RAD54L2: variants seen among roughly 807,000 people sequenced by gnomAD.
RAD54L2 encodes the protein helicase ARIP4.
Under a neutral mutation model 138.4 loss-of-function variants are expected in RAD54L2, and 27 were observed. The observed-to-expected ratio is 0.20, with a 90% CI of 0.14 to 0.27. RAD54L2 has a LOEUF of 0.27. RAD54L2 is among the 10% of genes least tolerant of loss of function. The pLI is 1.00. For synonymous variants in RAD54L2, 644 were observed against 723.2 expected (o/e 0.89, Z 1.76); for missense variants, 1,396 against 1,890.2 (o/e 0.74, Z 4.85).
chr3:51,625,768 T>C (rs1184064713), intron 3 of RAD54L2, among the ~76,000 whole-genome samples: 1 of 151,966 alleles, frequency 6.6e-6, no homozygotes, highest in Non-Finnish European at 1.5e-5. Context: ...AGGCTGAGGC[T>C]GGGAGATCGT....
At chr3:51,579,161 C>CTTTT (rs771455214) in intron 2 of RAD54L2, among the ~76,000 whole-genome samples, 3 of 131,652 alleles carry the variant, frequency 2.3e-5, no homozygotes, top group Non-Finnish European at 4.9e-5. Flanking sequence ...TGAGCCTGGG[C>CTTTT]TTTTTTTTTT....
intron 2 of RAD54L2, among the ~76,000 whole-genome samples, chr3:51,588,670 A>G (rs1699766392): frequency 6.6e-6 from 1 of 151,926 alleles, no homozygotes; most frequent in Non-Finnish European, 1.5e-5. Flanking sequence ...CCATCTCTTT[A>G]CCATGGTTTT....
At chr3:51,598,904 A>G (rs1344902363) in intron 3 of RAD54L2, among the ~76,000 whole-genome samples, 2 of 152,078 alleles carry the variant, frequency 1.3e-5, no homozygotes, top group African/African-American at 4.8e-5. Flanking sequence ...CCTCATCTGT[A>G]TCCTTTATAA....
intron 13 of RAD54L2, 66 bp downstream of exon 13, chr3:51,639,736 T>C: frequency 6.3e-7 from 1 of 1,585,412 alleles, no homozygotes; most frequent in South Asian, 1.1e-5. Context: ...AAGCCCTGCC[T>C]GGGGAAGGGG....
intron 3 of RAD54L2, among the ~76,000 whole-genome samples, chr3:51,595,971 A>T (rs1329125013): frequency 7.1e-6 from 1 of 141,216 alleles, no homozygotes. Context: ...CTCACCCAGG[A>T]TCACCCAGGC....
chr3:51,629,624 T>C (rs562003167), intron 5 of RAD54L2, among the ~76,000 whole-genome samples, 151 bp downstream of exon 5: 1 of 152,112 alleles, frequency 6.6e-6, no homozygotes, highest in African/African-American at 2.4e-5. Context: ...TATGGGAGGC[T>C]GAGGCAGATG....
chr3:51,579,333 G>A (rs1435494251), intron 2 of RAD54L2, among the ~76,000 whole-genome samples: 1 of 152,066 alleles, frequency 6.6e-6, no homozygotes, highest in East Asian at 1.9e-4. Context: ...CATTTGAGTG[G>A]GAAAACAGAT....
At position 51,638,398 on chromosome 3, in the gene RAD54L2, A is replaced by G; in HGVS notation, c.1860+77A>G. On this transcript the variant is annotated intron_variant, in intron 12 of 22. Transcript: ENST00000684192. The surrounding 1 kb of genome is among the most constrained non-coding windows in gnomAD (Gnocchi z 4.3). ...TCCCAAGGGAGTTACTCCTACTGAG[A>G]GTCTTCAATAAAGGGAGAATAAAGT... 6.5e-7 allele frequency: 1 copy of G among 1,536,202 alleles called. No homozygotes were observed. Among genetic ancestry groups the G allele is most frequent in the Non-Finnish European group, 8.9e-7 (1 of 1,122,500 alleles).
intron 3 of RAD54L2, among the ~76,000 whole-genome samples, chr3:51,608,807 G>A (rs935413305): frequency 2.0e-5 from 3 of 152,200 alleles, no homozygotes; most frequent in Non-Finnish European, 4.4e-5. Context: ...GCATCAGAGG[G>A]AGACCCAGTC....
intron 3 of RAD54L2, among the ~76,000 whole-genome samples, chr3:51,601,743 C>T (rs149936090): frequency 1.0e-3 from 158 of 151,440 alleles, no homozygotes; most frequent in African/African-American, 3.8e-3. Context: ...CACACCCAGC[C>T]AGAGATTCAT....
Position 51,641,776 on chromosome 3 carries a change from C to G in RAD54L2, c.2259C>G (p.Ile753Met). 6.3e-7 allele frequency: 1 copy of G among 1,595,600 alleles called. No individual in the cohort carries two copies. The highest frequency in any genetic ancestry group is 1.1e-5 in the South Asian group (1 of 87,756). ...AGAGTCTTTCCACCTTGGCTCTCAT[C>G]GAGGAATTCCTTGGAAAACGAGAAG... ...FSQSLSTLAL[I>M]EEFLGKREVP... is the part of the protein sequence containing the mutation. The change falls in exon 15 of 23, where the codon ATC becomes ATG. Residue 753 changes from isoleucine to methionine, a missense_variant. Physicochemically the swap from Ile to Met is conservative, Grantham distance 10. This residue lies in a region of RAD54L2 where 211 missense variants were observed against 273.8 expected (regional missense o/e 0.77). Transcript: ENST00000684192.
intron 2 of RAD54L2, among the ~76,000 whole-genome samples, chr3:51,573,961 A>C (rs979038464): frequency 6.6e-6 from 1 of 151,806 alleles, no homozygotes; most frequent in African/African-American, 2.4e-5. Flanking sequence ...CTCGTCATTT[A>C]CATTAGGTGT....
intron 2 of RAD54L2, among the ~76,000 whole-genome samples, chr3:51,561,535 A>G (rs559429527): frequency 1.1e-3 from 169 of 150,182 alleles, no homozygotes; most frequent in Admixed American, 4.4e-3. Context: ...GTGAGCCACC[A>G]CGCCCGGCCG....
chr3:51,638,379 G>A lies in RAD54L2; in HGVS notation c.1860+58G>A, dbSNP rs1701042923. On this transcript the variant is annotated intron_variant, in intron 12 of 22. Coordinates refer to ENST00000684192, the MANE Select transcript of RAD54L2 (RefSeq NM_015106.4). This position sits in a 1 kb window ranked among gnomAD's most constrained non-coding sequence, Gnocchi z 4.3. ...GGACTAAGGATACACATGGTCCCAAGGGAGTTACTCCTACTGAGAGTCTTC... is the reference window on the plus strand; with the variant it reads ...GGACTAAGGATACACATGGTCCCAAAGGAGTTACTCCTACTGAGAGTCTTC... 6.3e-7 allele frequency: 1 copy of A among 1,587,240 alleles called. No homozygotes were observed. The highest frequency in any genetic ancestry group is 1.1e-5 in the South Asian group (1 of 89,728).
intron 1 of RAD54L2, chr3:51,541,181 T>C (rs150527393): frequency 2.0e-5 from 3 of 152,252 alleles, no homozygotes; most frequent in East Asian, 3.9e-4. Context: ...ATTTTGTTAG[T>C]GGTAGTTCCT....
intron 9 of RAD54L2, 67 bp downstream of exon 9, chr3:51,634,102 G>T: frequency 6.4e-7 from 1 of 1,555,056 alleles, no homozygotes; most frequent in South Asian, 1.2e-5. Context: ...CTGATGTTAA[G>T]GCAGTCTCTT....
In RAD54L2 at chr3:51,645,754, C is replaced by T; in HGVS notation, c.2820C>T (p.Leu940=). ...TGGCCTGTCTGAAGTACCCTCACCTCATCACCAAGGTAAGAACTTGGTATG... is the reference window on the plus strand; with the variant it reads ...TGGCCTGTCTGAAGTACCCTCACCTTATCACCAAGGTAAGAACTTGGTATG... ...LQLACLKYPH[L]ITKEPFEHES... is the part of the protein sequence containing the mutation. The change falls in exon 18 of 23, where the codon CTC becomes CTT. Residue 940 remains leucine (L), a synonymous_variant. Coordinates refer to ENST00000684192, the MANE Select transcript of RAD54L2 (RefSeq NM_015106.4). The surrounding 1 kb of genome is among the most constrained non-coding windows in gnomAD (Gnocchi z 6.1). The T allele has an allele frequency of 1.2e-6, 2 of 1,609,216 alleles. No homozygotes were observed. The highest frequency in any genetic ancestry group is 1.1e-5 in the South Asian group (1 of 89,978).
At chr3:51,569,552 T>G (rs1411284535) in intron 2 of RAD54L2, among the ~76,000 whole-genome samples, 1 of 152,010 alleles carries the variant, frequency 6.6e-6, no homozygotes, top group Non-Finnish European at 1.5e-5. Context: ...CCCAGCTAAT[T>G]TTTGTATTTT....
intron 2 of RAD54L2, among the ~76,000 whole-genome samples, chr3:51,542,403 C>T (rs1482465995): frequency 6.6e-6 from 1 of 151,406 alleles, no homozygotes; most frequent in Non-Finnish European, 1.5e-5. Context: ...AGGCAGCTGT[C>T]TGCACCTGTT....
Sources: gnomAD v4.1 joint callset for allele counts (sites outside exome capture counted in the v4.1 genomes callset) on GRCh38, gnomAD v4.1.1 for gene constraint, gnomAD v4.1.1 regional missense constraint, Gnocchi (gnomAD v3.1) non-coding constraint, MANE v1.5 for transcripts, NCBI Gene and HGNC (gene_info 2026-07-23, HGNC 2026-07-21) for gene names.